The following ZNF114 variants were observed in gnomAD, a reference collection of about 807,000 sequenced individuals.
ZNF114 encodes zinc finger protein 114 (Y18).
In ZNF114, 8 loss-of-function variants were observed where a neutral mutation model predicts 6.8. The observed-to-expected ratio is 1.18, with a 90% confidence interval of 0.69 to 2.13. The LOEUF (loss-of-function observed/expected upper bound fraction) is 2.13. Ranked by LOEUF, ZNF114 falls within the 30% of genes most tolerant of loss-of-function variation. ZNF114 has a pLI of 0.00. For synonymous variants in ZNF114, 169 were observed against 185.5 expected, an observed-to-expected ratio of 0.91 and a Z score of 0.72; for missense variants, 472 against 519.5, an observed-to-expected ratio of 0.91 and a Z score of 0.89.
chr19:48,286,085 A>C lies in ZNF114; in HGVS notation c.461A>C (p.Asp154Ala). The change falls in exon 6 of 6, where the codon GAC (aspartate) becomes GCC (alanine). Residue 154 changes from aspartate (D) to alanine (A), a missense_variant. Asp to Ala is a moderately radical substitution (Grantham distance 126, BLOSUM62 -2). Transcript: ENST00000595607. ...DSIRQCILTRDSSIFKYNPVL... is the reference protein window; with the variant it reads ...DSIRQCILTRASSIFKYNPVL... ...ATAAGACAATGTATCCTAACACGTG[A>C]CTCAAGTATTTTCAAGTATAATCCT... 1 of 1,614,074 alleles carries C rather than the reference A, an allele frequency of 6.2e-7. No homozygotes were observed.
chr19:48,270,940 C>G (rs1469193132), intron 1 of ZNF114: 2 of 151,760 alleles, frequency 1.3e-5, no homozygotes, highest in Admixed American at 1.3e-4. Context: ...GCCTGTAGTC[C>G]CAGCTACTCG....
rs1968115187 is a variant in ZNF114, at chr19:48,285,935, A to C, written c.311A>C (p.Asn104Thr). 6.2e-7 allele frequency: 1 copy of C among 1,614,130 alleles called. No homozygotes were observed. The highest frequency in any genetic ancestry group is 1.1e-5 in the South Asian group (1 of 91,082). ...KTEEPHRQGV[N>T]NVKPPAVAPE... is the part of the protein sequence containing the mutation. ...GAGGAACCACACAGGCAGGGGGTGA[A>C]TAATGTGAAGCCACCTGCAGTTGCC... The change falls in exon 6 of 6, where the codon AAT (asparagine) becomes ACT (threonine). Residue 104 changes from asparagine (N) to threonine (T), a missense_variant. Coordinates refer to ENST00000595607, the MANE Select transcript of ZNF114 (RefSeq NM_153608.4).
intron 3 of ZNF114, among the ~76,000 whole-genome samples, chr19:48,274,008 C>T (rs1967755160): frequency 6.6e-6 from 1 of 151,530 alleles, no homozygotes; most frequent in Non-Finnish European, 1.5e-5. Flanking sequence ...CCGCCCACCT[C>T]GGCCTCCCAA....
chr19:48,271,253 G>A lies in ZNF114; in HGVS notation c.-368G>A, dbSNP rs991289032. The A allele has an allele frequency of 1.3e-5, 2 of 152,030 alleles. No individual in the cohort carries two copies. Among genetic ancestry groups the A allele is most frequent in the Non-Finnish European group, 2.9e-5 (2 of 68,034 alleles). The allele number at this position is 152,030 out of a possible 1,614,324, so 9.4% of individuals were successfully genotyped here. Reference sequence around the variant, plus strand: ...TTTCCGCCCTTTTACAGTACTGAGGGGAAAAAAAAGCCTTCTTTCCTTGGG... The same window carrying A: ...TTTCCGCCCTTTTACAGTACTGAGGAGAAAAAAAAGCCTTCTTTCCTTGGG... On this transcript the variant is annotated 5_prime_UTR_variant, in exon 2 of 6. Transcript: ENST00000595607.
At chr19:48,272,017 T>C (rs1449486118) in intron 3 of ZNF114, among the ~76,000 whole-genome samples, 189 bp downstream of exon 3, 4 of 152,166 alleles carry the variant, frequency 2.6e-5, no homozygotes, top group Admixed American at 2.6e-4. Context: ...GCTTCCCCCA[T>C]ACCGTGCTGC....
Position 48,279,744 on chromosome 19 carries a change from G to C in ZNF114, c.-56G>C. 6.2e-7 allele frequency: 1 copy of C among 1,613,354 alleles called. No individual in the cohort carries two copies. Among genetic ancestry groups the C allele is most frequent in the Non-Finnish European group, 8.5e-7 (1 of 1,179,574 alleles). ...TCTTCTCCCAAGCTCTGCCTCACCTGCCTCCTTGAAGGAAACACGGGGAAG... is the reference window on the plus strand; with the variant it reads ...TCTTCTCCCAAGCTCTGCCTCACCTCCCTCCTTGAAGGAAACACGGGGAAG... On this transcript the variant is annotated 5_prime_UTR_variant, in exon 4 of 6. Transcript: ENST00000595607.
intron 3 of ZNF114, among the ~76,000 whole-genome samples, chr19:48,272,940 C>T (rs1967712900): frequency 6.6e-6 from 1 of 151,788 alleles, no homozygotes; most frequent in East Asian, 2.0e-4. Flanking sequence ...GGACTACAGG[C>T]GCCCGCCACC....
chr19:48,272,411 C>CAAAAAA (rs199855031), intron 3 of ZNF114, among the ~76,000 whole-genome samples: 1 of 127,592 alleles, frequency 7.8e-6, no homozygotes, highest in Non-Finnish European at 1.6e-5. Context: ...GACTCTGTCT[C>CAAAAAA]AAAAAAAAAA....
At chr19:48,276,777 G>C (rs1967846492) in intron 3 of ZNF114, among the ~76,000 whole-genome samples, 1 of 152,226 alleles carries the variant, frequency 6.6e-6, no homozygotes, top group Admixed American at 6.5e-5. Flanking sequence ...TCCTGCCTCA[G>C]CCTCCCAACA....
chr19:48,271,738 T>C lies in ZNF114; in HGVS notation c.-160T>C, dbSNP rs1393507445. 1 of 152,314 alleles carries C rather than the reference T, an allele frequency of 6.6e-6. No individual in the cohort carries two copies. Among genetic ancestry groups the C allele is most frequent in the African/African-American group, 2.4e-5 (1 of 41,466 alleles). The allele number at this position is 152,314 out of a possible 1,614,324, so 9.4% of individuals were successfully genotyped here. On this transcript the variant is annotated 5_prime_UTR_variant, in exon 3 of 6. Transcript: ENST00000595607. ...ATTTATTTCAACAGTTTGATCCCCA[T>C]CCTGGTGCAGCTCCGAGACGCTCCT...
chr19:48,274,511 T>A (rs920866290), intron 3 of ZNF114, among the ~76,000 whole-genome samples: 124 of 31,434 alleles, frequency 3.9e-3, no homozygotes, highest in Admixed American at 0.011. Context: ...TATATATTTT[T>A]TTTTTTTTTT....
At chr19:48,277,794 G>GGTGTGTGTGTGTGTGT (rs749201884) in intron 3 of ZNF114, among the ~76,000 whole-genome samples, 10,428 of 119,054 alleles carry the variant, frequency 0.088, 653 homozygotes, top group Admixed American at 0.12. Context: ...GGAGGCATTG[G>GGTGTGTGTGTGTGTGT]GTGTGTGTGT....
intron 3 of ZNF114, among the ~76,000 whole-genome samples, chr19:48,272,093 G>C (rs954052355): frequency 6.6e-6 from 1 of 152,300 alleles, no homozygotes; most frequent in African/African-American, 2.4e-5. Flanking sequence ...CGGTTGCAGG[G>C]GTTGTGTTCT....
chr19:48,271,609 C>G (rs1242484170), intron 2 of ZNF114, 118 bp from the exon 3 acceptor site: 1 of 152,326 alleles, frequency 6.6e-6, no homozygotes, highest in African/African-American at 2.4e-5. Flanking sequence ...TCCCCCTGGT[C>G]CCTTACACCG....
intron 4 of ZNF114, among the ~76,000 whole-genome samples, chr19:48,281,046 G>C (rs941272773): frequency 1.3e-5 from 2 of 152,176 alleles, no homozygotes; most frequent in Admixed American, 1.3e-4. Context: ...GGGAGGCTGA[G>C]GTGGGAGGAT....
At position 48,280,460 on chromosome 19, in the gene ZNF114, G is replaced by A. The variant is rs560116573; in HGVS notation, c.9+652G>A. Reference sequence around the variant, plus strand: ...CAGGGTCTCACAGGGGACACTAGGCGTTTATGGAGCGGGCAGTGGCAGCAT... The same window carrying A: ...CAGGGTCTCACAGGGGACACTAGGCATTTATGGAGCGGGCAGTGGCAGCAT... On this transcript the variant is annotated intron_variant, in intron 4 of 5. Transcript: ENST00000595607. Among the ~76,000 whole-genome samples the A allele has an allele frequency of 3.4e-4, 51 of 152,042 alleles. 1 individual carries two copies. The highest frequency in any genetic ancestry group is 1.1e-3 in the African/African-American group (47 of 41,494).
intron 4 of ZNF114, among the ~76,000 whole-genome samples, chr19:48,280,780 T>C (rs1241349585): frequency 6.6e-6 from 1 of 151,892 alleles, no homozygotes; most frequent in African/African-American, 2.4e-5. Flanking sequence ...CTCGAACTCC[T>C]GACCTTAGGT....
chr19:48,273,010 T>A (rs906866664), intron 3 of ZNF114, among the ~76,000 whole-genome samples: 1 of 152,074 alleles, frequency 6.6e-6, no homozygotes, highest in Non-Finnish European at 1.5e-5. Context: ...TTAGCCAGGA[T>A]GGTCTCGAGC....
Position 48,286,586 on chromosome 19 carries a change from G to T in ZNF114, c.962G>T (p.Arg321Ile). The change falls in exon 6 of 6, where the codon AGA becomes ATA. Residue 321 changes from arginine to isoleucine, a missense_variant. Arg to Ile is a moderately conservative substitution (Grantham distance 97, BLOSUM62 -3). Coordinates refer to ENST00000595607, the MANE Select transcript of ZNF114 (RefSeq NM_153608.4). ...TTTTTTTATCAGTCATTCCTTATGA[G>T]ACATATGAAAATTCACACTGGAGAG... ...RAFFYQSFLMRHMKIHTGEKP... is the reference protein window; with the variant it reads ...RAFFYQSFLMIHMKIHTGEKP... 6.2e-7 allele frequency: 1 copy of T among 1,614,068 alleles called. No individual in the cohort carries two copies. Among genetic ancestry groups the T allele is most frequent in the South Asian group, 1.1e-5 (1 of 91,064 alleles).
Sources: gnomAD v4.1 joint callset for allele counts (sites outside exome capture counted in the v4.1 genomes callset) on GRCh38, gnomAD v4.1.1 for gene constraint, MANE v1.5 for transcripts, NCBI Gene and HGNC (gene_info 2026-07-23, HGNC 2026-07-21) for gene names.